Variants in STPG2 observed in about 807,000 individuals in gnomAD.
The protein encoded by STPG2 is sperm-tail PG-rich repeat-containing protein 2.
STPG2 carries 56 observed loss-of-function variants against 54.2 expected under a neutral mutation model. The ratio of observed to expected loss-of-function variants is 1.03; its 90% CI spans 0.83 to 1.29. STPG2 has a LOEUF of 1.29. Among genes scored for constraint, STPG2 ranks in the 50% most tolerant of loss-of-function variants. The pLI is 0.00. For synonymous variants in STPG2, 200 were observed against 181.8 expected (o/e 1.10, Z -0.81); for missense variants, 596 against 544.9 (o/e 1.09, Z -0.93).
chr4:97,451,140 T>C (rs909993913), intron 4 of STPG2, among the ~76,000 whole-genome samples: 3 of 152,022 alleles, frequency 2.0e-5, no homozygotes, highest in Non-Finnish European at 2.9e-5. Context: ...CTTTACGAAC[T>C]CTCAAATTCA....
At chr4:97,597,102 T>C (rs1436733246) in intron 10 of STPG2, among the ~76,000 whole-genome samples, 3 of 151,852 alleles carry the variant, frequency 2.0e-5, no homozygotes, top group African/African-American at 7.3e-5. Flanking sequence ...TGCACAGAAA[T>C]ACAAGAATTC....
chr4:97,939,026 T>C (rs1394046218), intron 8 of STPG2, among the ~76,000 whole-genome samples: 1 of 152,200 alleles, frequency 6.6e-6, no homozygotes, highest in African/African-American at 2.4e-5. Flanking sequence ...CTCATTATGT[T>C]CAAATAACTT....
chr4:97,461,084 T>C (rs1488980752), intron 4 of STPG2, among the ~76,000 whole-genome samples: 1 of 152,232 alleles, frequency 6.6e-6, no homozygotes, highest in Non-Finnish European at 1.5e-5. Flanking sequence ...TCATTGCACA[T>C]GCCTTTTGGT....
chr4:97,747,136 T>C (rs1725442059), intron 9 of STPG2, among the ~76,000 whole-genome samples: 1 of 151,296 alleles, frequency 6.6e-6, no homozygotes, highest in African/African-American at 2.4e-5. Flanking sequence ...GTATTTAGCT[T>C]GTCTAATCTC....
intron 9 of STPG2, among the ~76,000 whole-genome samples, chr4:97,806,002 G>T (rs1220907462): frequency 3.3e-5 from 5 of 152,124 alleles, no homozygotes; most frequent in Non-Finnish European, 5.9e-5. Context: ...CCATTACTGG[G>T]TATGTAACCA....
chr4:97,945,833 CA>C (rs1360998012), intron 7 of STPG2, among the ~76,000 whole-genome samples: 1 of 152,052 alleles, frequency 6.6e-6, no homozygotes. Context: ...CCAAATTAGG[CA>C]GATCACTTGA....
At chr4:98,039,947 A>G (rs1465213417) in intron 5 of STPG2, among the ~76,000 whole-genome samples, 3 of 151,894 alleles carry the variant, frequency 2.0e-5, no homozygotes, top group Non-Finnish European at 1.5e-5. Flanking sequence ...CCAATAGTGT[A>G]TAACTGTTCC....
intron 8 of STPG2, among the ~76,000 whole-genome samples, chr4:97,942,584 A>G (rs1415299317): frequency 6.6e-6 from 1 of 152,120 alleles, no homozygotes. Flanking sequence ...CCTCAGAAAA[A>G]AAAATAATAA....
chr4:97,731,814 G>C (rs1337846612), intron 9 of STPG2, among the ~76,000 whole-genome samples: 1 of 152,194 alleles, frequency 6.6e-6, no homozygotes, highest in Non-Finnish European at 1.5e-5. Context: ...ACAGATCTCA[G>C]CTAGATACTC....
chr4:97,756,268 G>A (rs1359883756), intron 9 of STPG2, among the ~76,000 whole-genome samples: 3 of 152,056 alleles, frequency 2.0e-5, no homozygotes, highest in Non-Finnish European at 4.4e-5. Context: ...AAATGAGATT[G>A]CGTTTCTTAA....
chr4:97,982,433 T>A (rs1410976155), intron 5 of STPG2, among the ~76,000 whole-genome samples: 1 of 151,648 alleles, frequency 6.6e-6, no homozygotes, highest in African/African-American at 2.4e-5. Context: ...GTTGCATATT[T>A]CATGGCTCTT....
At chr4:97,969,322 T>C (rs541280770) in intron 7 of STPG2, among the ~76,000 whole-genome samples, 2 of 152,342 alleles carry the variant, frequency 1.3e-5, no homozygotes, top group African/African-American at 4.8e-5. Context: ...CTGTATGCTG[T>C]ACTTCTGCAC....
intron 5 of STPG2, among the ~76,000 whole-genome samples, chr4:98,032,201 A>G (rs930751824): frequency 6.6e-6 from 1 of 152,200 alleles, no homozygotes; most frequent in African/African-American, 2.4e-5. Flanking sequence ...TTGATCCAGC[A>G]ATCCCATTAT....
chr4:97,834,200 C>G (rs1343457508), intron 9 of STPG2, among the ~76,000 whole-genome samples: 1 of 152,102 alleles, frequency 6.6e-6, no homozygotes, highest in Non-Finnish European at 1.5e-5. Flanking sequence ...GAGTTAATGT[C>G]CTTTGCAGGG....
intron 6 of STPG2, among the ~76,000 whole-genome samples, chr4:97,976,213 C>T (rs1299510534): frequency 6.6e-6 from 1 of 152,014 alleles, no homozygotes; most frequent in Non-Finnish European, 1.5e-5. Flanking sequence ...ATATTATTCC[C>T]GCTGCTGTTC....
chr4:97,556,984 C>A (rs141891554), downstream of STPG2, among the ~76,000 whole-genome samples: 2 of 152,114 alleles, frequency 1.3e-5, no homozygotes, highest in Non-Finnish European at 1.5e-5. Flanking sequence ...AGCTCGAGAC[C>A]ATCCTGGTCA....
chr4:97,808,234 C>T (rs897625420), intron 9 of STPG2, among the ~76,000 whole-genome samples: 9 of 151,882 alleles, frequency 5.9e-5, no homozygotes, highest in Non-Finnish European at 1.2e-4. Context: ...ATCTATATGA[C>T]AATTGACTGC....
rs139399251 is a variant in STPG2 at position 97,628,829 on chromosome 4, A to C, written c.1321-69712T>G. Among the ~76,000 whole-genome samples the C allele has an allele frequency of 2.8e-4, 42 of 152,174 alleles. No homozygotes were observed. The East Asian group carries it at 6.8e-3, about 25-fold the overall frequency. On this transcript the variant is annotated intron_variant, in intron 10 of 10. Coordinates refer to ENST00000295268, the MANE Select transcript of STPG2 (RefSeq NM_174952.3). The stretch of plus-strand genomic sequence containing the variant: ...AGATAAAATAATATTGATTTTTACA[A>C]TATTGTCACTCATGGTCAATTTGAC...
rs868823586 is a variant in STPG2, at chr4:98,026,728, A to T, written c.613-45410T>A. Among the ~76,000 whole-genome samples, 5 of 152,236 alleles carry T rather than the reference A, an allele frequency of 3.3e-5. No homozygotes were observed. In the Middle Eastern group the frequency reaches 0.01, roughly 311 times the overall value. On this transcript the variant is annotated intron_variant, in intron 5 of 10. Coordinates refer to ENST00000295268, the MANE Select transcript of STPG2 (RefSeq NM_174952.3). The stretch of plus-strand genomic sequence containing the variant: ...AACCATAGCTATGCCCTCTCCAGTG[A>T]GATCTCAATCTTAGGAGCGGGAGGT...
Sources: allele counts gnomAD v4.1 joint callset (sites outside exome capture counted in the v4.1 genomes callset), GRCh38; gene constraint gnomAD v4.1.1; transcripts MANE v1.5; gene names NCBI Gene and HGNC (gene_info 2026-07-23, HGNC 2026-07-21).